Variants in CREBBP observed in about 807,000 individuals in gnomAD.
The protein encoded by CREBBP is CREB-binding protein.
CREBBP carries 19 observed loss-of-function variants against 265.0 expected under a neutral mutation model. That is an observed-to-expected ratio of 0.07 (90% CI 0.05 to 0.11). The LOEUF is 0.11. Among genes scored for constraint, CREBBP ranks in the 10% least tolerant of loss-of-function variants. The pLI is 1.00. For synonymous variants in CREBBP, 1,457 were observed against 1,223.7 expected (o/e 1.19, Z -3.98); for missense variants, 2,525 against 3,219.0 (o/e 0.78, Z 5.22).
At chr16:3,765,131 G>A (rs568303202) in intron 16 of CREBBP, among the ~76,000 whole-genome samples, 74 of 152,150 alleles carry the variant, frequency 4.9e-4, no homozygotes, top group Non-Finnish European at 7.9e-4. Flanking sequence ...CCGCCACCAC[G>A]CCCGCATAAT....
At chr16:3,821,045 G>A (rs115367851) in intron 2 of CREBBP, among the ~76,000 whole-genome samples, 90 of 152,286 alleles carry the variant, frequency 5.9e-4, no homozygotes, top group African/African-American at 2.0e-3. Flanking sequence ...ACGGGTCAAG[G>A]TCACTGGAGA....
intron 21 of CREBBP, 80 bp downstream of exon 21, chr16:3,749,547 C>T (rs2151367443): frequency 3.2e-6 from 3 of 929,350 alleles, no homozygotes; most frequent in Non-Finnish European, 5.2e-6. Flanking sequence ...ATGTTTTTAC[C>T]CACAACCCAC....
chr16:3,800,435 T>C (rs1393051633), intron 3 of CREBBP, among the ~76,000 whole-genome samples: 2 of 152,182 alleles, frequency 1.3e-5, no homozygotes, highest in African/African-American at 2.4e-5. Flanking sequence ...TAAAAATTCT[T>C]AAAATACAGA....
chr16:3,761,654 C>A, intron 16 of CREBBP: 1 of 503,950 alleles, frequency 2.0e-6, no homozygotes, highest in Admixed American at 2.1e-5. Context: ...GAGGTCCGGG[C>A]AACCAGGTAA....
rs143976275 is a variant in CREBBP at position 3,735,910 on chromosome 16, G to A, written c.4728+126C>T. The A allele has an allele frequency of 1.2e-3, 1,707 of 1,468,946 alleles. 2 individuals are homozygous for A. Among genetic ancestry groups the A allele is most frequent in the Non-Finnish European group, 1.5e-3 (1,596 of 1,056,694 alleles). The allele number at this position is 1,468,946 out of a possible 1,614,324, so 91.0% of individuals were successfully genotyped here. A position where few individuals can be genotyped will look rare whatever the true frequency, so the allele number is the denominator to read the frequency against. On this transcript the variant is annotated intron_variant, in intron 28 of 30. Coordinates refer to ENST00000262367, the MANE Select transcript of CREBBP (RefSeq NM_004380.3). ...AACGCCCTGTGCTGCAGGTGGTGTC[G>A]ACGTGCATGTGTGAACGGAGACACC...
rs12596633 is a variant in CREBBP at position 3,846,066 on chromosome 16, T to C, written c.798+4231A>G. Reference sequence around the variant, plus strand: ...AAAACATATACTTGGTAAAAACATATTGTAAACCTATGTGACCATATTCCT... The same window carrying C: ...AAAACATATACTTGGTAAAAACATACTGTAAACCTATGTGACCATATTCCT... On this transcript the variant is annotated intron_variant, in intron 2 of 30. Transcript: ENST00000262367. Among the ~76,000 whole-genome samples the C allele has an allele frequency of 1.3e-4, 20 of 152,258 alleles. No individual in the cohort carries two copies. The East Asian group carries it at 3.3e-3, about 25-fold the overall frequency.
chr16:3,838,365 T>C (rs1005764037), intron 2 of CREBBP, among the ~76,000 whole-genome samples: 1 of 152,116 alleles, frequency 6.6e-6, no homozygotes, highest in Admixed American at 6.5e-5. Flanking sequence ...CTCTATGATG[T>C]TCCTAGCATA....
At chr16:3,851,684 C>G (rs2054841045) in intron 1 of CREBBP, among the ~76,000 whole-genome samples, 1 of 151,794 alleles carries the variant, frequency 6.6e-6, no homozygotes, top group African/African-American at 2.4e-5. Flanking sequence ...GAAACCCCGT[C>G]TCTAGTAAAA....
intron 2 of CREBBP, among the ~76,000 whole-genome samples, chr16:3,823,877 T>C (rs557965786): frequency 6.3e-4 from 96 of 152,202 alleles, no homozygotes; most frequent in African/African-American, 2.2e-3. Context: ...TAGGCAGCTA[T>C]CACGTTGCCA....
chr16:3,729,131 C>T lies in CREBBP; in HGVS notation c.5916G>A (p.Leu1972=), dbSNP rs2151307336. ...IEREAQQQQH[L]YRVNINNSMP... is the part of the protein sequence containing the mutation. The stretch of plus-strand genomic sequence containing the variant: ...TGCTGTTGTTGATGTTCACCCGGTA[C>T]AGGTGCTGCTGCTGCTGGGCCTCAC... The change falls in exon 31 of 31, where the codon CTG becomes CTA. Residue 1972 remains leucine (L), a synonymous_variant. Coordinates refer to ENST00000262367, the MANE Select transcript of CREBBP (RefSeq NM_004380.3). The T allele has an allele frequency of 6.4e-7, 1 of 1,573,184 alleles. No individual in the cohort carries two copies. Among genetic ancestry groups the T allele is most frequent in the Non-Finnish European group, 8.6e-7 (1 of 1,166,290 alleles).
chr16:3,780,813 G>A lies in CREBBP; in HGVS notation c.1742C>T (p.Ala581Val), dbSNP rs780812566. The change falls in exon 8 of 31, where the codon GCT becomes GTT. Residue 581 changes from alanine to valine, a missense_variant. This residue lies in a region of CREBBP where 144 missense variants were observed against 134.0 expected (regional missense o/e 1.07). Coordinates refer to ENST00000262367, the MANE Select transcript of CREBBP (RefSeq NM_004380.3). ...IGTLSTIPTA[A>V]PPSSTGVRKG... ...CCTTACACCGGTGCTAGAAGGAGGA[G>A]CTGCTGTTGGTATAGTGCTGAGGGT... 1.2e-6 allele frequency: 2 copies of A among 1,613,980 alleles called. No individual in the cohort carries two copies. Among genetic ancestry groups the A allele is most frequent in the Admixed American group, 3.3e-5 (2 of 60,032 alleles).
intron 11 of CREBBP, among the ~76,000 whole-genome samples, chr16:3,775,926 T>G (rs932444765): frequency 6.6e-6 from 1 of 151,956 alleles, no homozygotes; most frequent in Non-Finnish European, 1.5e-5. Flanking sequence ...TCTTTCTTTT[T>G]TTTTTTTGAG....
chr16:3,864,962 G>C (rs781086632), intron 1 of CREBBP, among the ~76,000 whole-genome samples: 2 of 152,218 alleles, frequency 1.3e-5, no homozygotes, highest in Non-Finnish European at 2.9e-5. Flanking sequence ...AGGAGGCTGA[G>C]GCACCAGAAT....
At chr16:3,752,062 G>C (rs569000729) in intron 19 of CREBBP, among the ~76,000 whole-genome samples, 1 of 152,258 alleles carries the variant, frequency 6.6e-6, no homozygotes, top group African/African-American at 2.4e-5. Context: ...AGAGCAGAAA[G>C]CCAAGGCAAA....
At position 3,767,550 on chromosome 16, in the gene CREBBP, TC is replaced by T; in HGVS notation, c.3250+169del. The T allele has an allele frequency of 4.7e-6, 4 of 852,274 alleles. No homozygotes were observed. The Admixed American group carries it at 9.7e-5, about 21-fold the overall frequency. The allele number at this position is 852,274 out of a possible 1,614,324, so 52.8% of individuals were successfully genotyped here. On this transcript the variant is annotated intron_variant, in intron 16 of 30. Coordinates refer to ENST00000262367, the MANE Select transcript of CREBBP (RefSeq NM_004380.3). ...GAGCCCCACAGGCACAGGGCAGGGG[TC>T]CTGCTCAGCCTGAGTGTTTCTGCAG...
chr16:3,876,328 C>T (rs1354048597), intron 1 of CREBBP, among the ~76,000 whole-genome samples: 6 of 149,130 alleles, frequency 4.0e-5, no homozygotes, highest in Non-Finnish European at 8.9e-5. Flanking sequence ...GCATGAGCCA[C>T]CACCCTGGCC....
Position 3,777,152 on chromosome 16 carries a change from G to A in CREBBP, c.2158+461C>T, listed in dbSNP as rs565946864. Among the ~76,000 whole-genome samples the A allele has an allele frequency of 3.3e-5, 5 of 152,040 alleles. No individual in the cohort carries two copies. In the East Asian group the frequency reaches 7.7e-4, roughly 24 times the overall value. Reference sequence around the variant, plus strand: ...AGATCAAGACCATCCTGGCTAACACGGTGAAACCCCGTCTCTATTAAAAAT... The same window carrying A: ...AGATCAAGACCATCCTGGCTAACACAGTGAAACCCCGTCTCTATTAAAAAT... On this transcript the variant is annotated intron_variant, in intron 11 of 30. Transcript: ENST00000262367.
At chr16:3,866,711 T>C (rs2141566926) in intron 1 of CREBBP, among the ~76,000 whole-genome samples, 1 of 152,262 alleles carries the variant, frequency 6.6e-6, no homozygotes, top group Non-Finnish European at 1.5e-5. Flanking sequence ...AAAACATCTC[T>C]AGCTCAACCC....
chr16:3,879,535 A>G (rs1054390029), intron 1 of CREBBP, among the ~76,000 whole-genome samples: 1 of 152,162 alleles, frequency 6.6e-6, no homozygotes, highest in Non-Finnish European at 1.5e-5. Flanking sequence ...ATTACCAAAC[A>G]AACCCACACG....
Sources: gnomAD v4.1 joint callset for allele counts (sites outside exome capture counted in the v4.1 genomes callset) on GRCh38, gnomAD v4.1.1 for gene constraint, gnomAD v4.1.1 regional missense constraint, MANE v1.5 for transcripts, NCBI Gene and HGNC (gene_info 2026-07-23, HGNC 2026-07-21) for gene names.